The following NOS1 variants were observed in gnomAD, a reference collection of about 807,000 sequenced individuals.
NOS1 encodes the protein NOS type I.
In NOS1, 51 loss-of-function variants were observed where a neutral mutation model predicts 164.5. The ratio of observed to expected loss-of-function variants is 0.31; its 90% CI spans 0.25 to 0.39. The LOEUF (loss-of-function observed/expected upper bound fraction) is 0.39, where lower values mean the gene tolerates loss of function less well. Ranked by LOEUF, NOS1 falls within the 10% of genes least tolerant of loss-of-function variation. The pLI, the probability that NOS1 is intolerant of heterozygous loss-of-function variation, is 1.00. For missense variants in NOS1, 1,362 were observed against 1,885.6 expected (o/e 0.72, Z 5.14); for synonymous variants, 719 against 745.8 (o/e 0.96, Z 0.59).
intron 9 of NOS1, among the ~76,000 whole-genome samples, chr12:117,273,361 G>A (rs1872931328): frequency 6.6e-6 from 1 of 152,130 alleles, no homozygotes. Context: ...CAAGGAACTG[G>A]GTGAGTTCCC....
rs1427384141 is a variant in NOS1, at chr12:117,216,702, C to G, written c.4289+1344G>C. Among the ~76,000 whole-genome samples the G allele has an allele frequency of 2.0e-5, 3 of 152,130 alleles. No individual in the cohort carries two copies. In the East Asian group the frequency reaches 5.8e-4, roughly 29 times the overall value. ...TTGCGTTGCCCAGGCTGATCTTGAACTCCTGGGCTCAAGCAATTCACCCAC... is the reference window on the plus strand; with the variant it reads ...TTGCGTTGCCCAGGCTGATCTTGAAGTCCTGGGCTCAAGCAATTCACCCAC... On this transcript the variant is annotated intron_variant, in intron 28 of 28. Transcript: ENST00000317775.
intron 20 of NOS1, 36 bp downstream of exon 20, chr12:117,242,591 A>C (rs1263975023): frequency 3.9e-6 from 6 of 1,552,690 alleles, no homozygotes; most frequent in Non-Finnish European, 4.4e-6. Context: ...ATTTGGGAGA[A>C]GACGTAGGTA....
At chr12:117,257,006 A>C (rs1350191253) in intron 16 of NOS1, among the ~76,000 whole-genome samples, 2 of 151,430 alleles carry the variant, frequency 1.3e-5, no homozygotes, top group Admixed American at 6.6e-5. Flanking sequence ...CAGGAGGCGG[A>C]GGTTGCAGTG....
chr12:117,351,824 T>A (rs1876632131), intron 1 of NOS1, among the ~76,000 whole-genome samples: 1 of 152,236 alleles, frequency 6.6e-6, no homozygotes, highest in Admixed American at 6.5e-5. Context: ...TGGTTGGATT[T>A]GAACCCAGCT....
intron 1 of NOS1, among the ~76,000 whole-genome samples, chr12:117,338,343 G>T (rs143253496): frequency 6.6e-6 from 1 of 151,792 alleles, no homozygotes. Context: ...TGAGGCTACC[G>T]TGAGCCAAGA....
Position 117,287,921 on chromosome 12 carries a change from G to A in NOS1, c.1127+153C>T, listed in dbSNP as rs41418246. 5.3e-3 allele frequency among the ~76,000 whole-genome samples: 803 copies of A among 152,256 alleles called. 12 individuals carry two copies. The highest frequency in any genetic ancestry group is 0.018 in the African/African-American group (761 of 41,544). On this transcript the variant is annotated intron_variant, in intron 5 of 28. Coordinates refer to ENST00000317775, the MANE Select transcript of NOS1 (RefSeq NM_000620.5). ...GCAGGTGAAACAAAAGCACTTCTGG[G>A]GAACAGATGTGACCTATGGGTAGCC...
rs1870320834 is a variant in NOS1 at position 117,243,104 on chromosome 12, G to C, written c.2962+193C>G. 6.6e-6 allele frequency among the ~76,000 whole-genome samples: 1 copy of C among 152,174 alleles called. No individual in the cohort carries two copies. Among genetic ancestry groups the C allele is most frequent in the South Asian group, 2.1e-4 (1 of 4,820 alleles). ...GAAGAACACAGTACATTACTAGAGA[G>C]AGAGAGGGAAACATTTACCAGCACT... is the stretch of plus-strand genomic sequence containing the variant. On this transcript the variant is annotated intron_variant, in intron 19 of 28. Coordinates refer to ENST00000317775, the MANE Select transcript of NOS1 (RefSeq NM_000620.5). The surrounding 1 kb of genome is among the most constrained non-coding windows in gnomAD (Gnocchi z 4.3).
rs1392036398 is a variant in NOS1 at position 117,325,087 on chromosome 12, T to A, written c.725+5258A>T. 2.0e-5 allele frequency among the ~76,000 whole-genome samples: 3 copies of A among 152,138 alleles called. No individual in the cohort carries two copies. The South Asian group carries it at 6.2e-4, about 31-fold the overall frequency. On this transcript the variant is annotated intron_variant, in intron 2 of 28. Transcript: ENST00000317775. Reference sequence around the variant, plus strand: ...CTTGGCTCCCCGACTGGCGTGTGTGTCCTGGATCTGGGGCTCTGGGACTGG... The same window carrying A: ...CTTGGCTCCCCGACTGGCGTGTGTGACCTGGATCTGGGGCTCTGGGACTGG...
At chr12:117,239,443 C>T (rs1384355157) in intron 20 of NOS1, among the ~76,000 whole-genome samples, 2 of 152,222 alleles carry the variant, frequency 1.3e-5, no homozygotes, top group South Asian at 2.1e-4. Context: ...TCTTCTGTGT[C>T]GTTTGCTAAT....
rs10588671 is a variant in NOS1, at chr12:117,234,906, C to CTATTATTAT, written c.3042-157_3042-149dup. 4.5e-6 allele frequency: 2 copies of CTATTATTAT among 439,788 alleles called. No individual in the cohort carries two copies. The highest frequency in any genetic ancestry group is 7.8e-6 in the Non-Finnish European group (2 of 255,978). The allele number at this position is 439,788 out of a possible 1,614,324, so 27.2% of individuals were successfully genotyped here. On this transcript the variant is annotated intron_variant, in intron 20 of 28. Coordinates refer to ENST00000317775, the MANE Select transcript of NOS1 (RefSeq NM_000620.5). This position sits in a 1 kb window ranked among gnomAD's most constrained non-coding sequence, Gnocchi z 4.3. ...TAACCAAGCCTATGCCCCCATCATT[C>CTATTATTAT]TATTATTATTATTATTATTATTATT...
intron 7 of NOS1, among the ~76,000 whole-genome samples, chr12:117,282,986 T>C (rs1057142005): frequency 5.9e-5 from 9 of 151,550 alleles, no homozygotes; most frequent in African/African-American, 1.7e-4. Flanking sequence ...TCTCCCTCTC[T>C]TCTTCTCTCT....
rs183697436 is a variant in NOS1 at position 117,311,544 on chromosome 12, G to A, written c.774C>T (p.Asn258=). ...CCCATAGGTCATTGAAGACTCGGTC[G>A]TTCTCCACGCCGAGGGGCAGAGGTT... ...SHKPLPLGVE[N]DRVFNDLWGK... Residue 258 remains asparagine, a synonymous_variant, in exon 3 of 29, where the codon AAC becomes AAT. Transcript: ENST00000317775. 1.2e-5 allele frequency: 19 copies of A among 1,613,028 alleles called. No homozygotes were observed. The highest frequency in any genetic ancestry group is 4.5e-5 in the East Asian group (2 of 44,838).
intron 16 of NOS1, 84 bp downstream of exon 16, chr12:117,258,313 T>A: frequency 1.5e-6 from 2 of 1,366,684 alleles, no homozygotes; most frequent in Non-Finnish European, 2.1e-6. Flanking sequence ...CATCCAGAAC[T>A]CAAATGTGAA....
intron 3 of NOS1, among the ~76,000 whole-genome samples, chr12:117,306,152 AAG>A (rs1383406626): frequency 6.6e-6 from 1 of 152,092 alleles, no homozygotes; most frequent in Non-Finnish European, 1.5e-5. Context: ...ATGGTGGGCA[AAG>A]ACGAACGTAA....
intron 16 of NOS1, among the ~76,000 whole-genome samples, chr12:117,256,987 G>A (rs1029594856): frequency 2.6e-5 from 4 of 152,164 alleles, no homozygotes; most frequent in East Asian, 1.9e-4. Context: ...CTGCAGAGTC[G>A]CTTGAACCCA....
chr12:117,360,862 C>G (rs1163473409), intron 1 of NOS1, among the ~76,000 whole-genome samples: 3 of 152,200 alleles, frequency 2.0e-5, no homozygotes, highest in African/African-American at 4.8e-5. Flanking sequence ...GCCAAGGGCT[C>G]CGCCATTACC....
At chr12:117,305,282 G>T (rs2136048089) in intron 3 of NOS1, among the ~76,000 whole-genome samples, 1 of 152,254 alleles carries the variant, frequency 6.6e-6, no homozygotes. Flanking sequence ...CTAACACGGT[G>T]AAACCCCGTC....
chr12:117,338,743 C>T (rs560164034), intron 1 of NOS1, among the ~76,000 whole-genome samples: 1 of 152,256 alleles, frequency 6.6e-6, no homozygotes, highest in South Asian at 2.1e-4. Context: ...CAAGTCAGTT[C>T]TGTATATGTA....
intron 2 of NOS1, among the ~76,000 whole-genome samples, chr12:117,325,751 C>T (rs1323222500): frequency 6.6e-6 from 1 of 152,218 alleles, no homozygotes; most frequent in Non-Finnish European, 1.5e-5. Context: ...CGACGCTGCT[C>T]ATGGCATTTG....
Sources: gnomAD v4.1 joint callset for allele counts (sites outside exome capture counted in the v4.1 genomes callset) on GRCh38, gnomAD v4.1.1 for gene constraint, Gnocchi (gnomAD v3.1) non-coding constraint, MANE v1.5 for transcripts, NCBI Gene and HGNC (gene_info 2026-07-23, HGNC 2026-07-21) for gene names.